The following ZMAT4 variants were observed in gnomAD, a reference collection of about 807,000 sequenced individuals.
ZMAT4 encodes zinc finger matrin-type 4.
In ZMAT4, 17 loss-of-function variants were observed where a neutral mutation model predicts 28.7. The observed-to-expected ratio is 0.59, with a 90% CI of 0.41 to 0.89. The LOEUF is 0.89. Ranked by LOEUF, ZMAT4 falls within the 40% of genes least tolerant of loss-of-function variation. ZMAT4 has a pLI of 0.00. For synonymous variants in ZMAT4, 117 were observed against 109.2 expected (o/e 1.07, Z -0.44); for missense variants, 240 against 283.8 (o/e 0.85, Z 1.11).
At chr8:40,642,310 A>G (rs1328982969) in intron 5 of ZMAT4, among the ~76,000 whole-genome samples, 1 of 152,198 alleles carries the variant, frequency 6.6e-6, no homozygotes, top group Non-Finnish European at 1.5e-5. Context: ...GTGAACATTC[A>G]ATAATATAGG....
intron 2 of ZMAT4, among the ~76,000 whole-genome samples, chr8:40,802,538 C>G (rs1475418084): frequency 6.6e-6 from 1 of 151,872 alleles, no homozygotes; most frequent in Non-Finnish European, 1.5e-5. Flanking sequence ...AAAAACTGTA[C>G]AATTTTGATG....
At chr8:40,773,239 C>G (rs1159049038) in intron 2 of ZMAT4, among the ~76,000 whole-genome samples, 1 of 152,172 alleles carries the variant, frequency 6.6e-6, no homozygotes, top group Non-Finnish European at 1.5e-5. Context: ...GAAGAGAAAG[C>G]TGGTCCCTAA....
intron 6 of ZMAT4, among the ~76,000 whole-genome samples, chr8:40,553,996 G>T (rs1347705565): frequency 6.6e-6 from 1 of 152,036 alleles, no homozygotes; most frequent in Admixed American, 6.6e-5. Flanking sequence ...GCATTTTCAT[G>T]GCCACTCATG....
chr8:40,660,850 C>A (rs913545290), intron 5 of ZMAT4, among the ~76,000 whole-genome samples: 1 of 152,176 alleles, frequency 6.6e-6, no homozygotes, highest in Non-Finnish European at 1.5e-5. Context: ...TATCTCTATG[C>A]TTTTATATAC....
At chr8:40,640,837 T>A (rs1333799870) in intron 5 of ZMAT4, among the ~76,000 whole-genome samples, 1 of 151,696 alleles carries the variant, frequency 6.6e-6, no homozygotes, top group Non-Finnish European at 1.5e-5. Flanking sequence ...TGCATTCCTG[T>A]AGTCCCAGCT....
At chr8:40,662,730 A>T (rs1808253658) in intron 5 of ZMAT4, among the ~76,000 whole-genome samples, 1 of 152,188 alleles carries the variant, frequency 6.6e-6, no homozygotes, top group Admixed American at 6.5e-5. Context: ...AATCTAAATT[A>T]TTACTCATGT....
At chr8:40,669,826 T>C (rs1307060509) in intron 5 of ZMAT4, among the ~76,000 whole-genome samples, 1 of 152,170 alleles carries the variant, frequency 6.6e-6, no homozygotes, top group Non-Finnish European at 1.5e-5. Context: ...AAGAGTCAAT[T>C]GTACTTGGCG....
At chr8:40,537,628 C>T (rs533756732) in intron 6 of ZMAT4, among the ~76,000 whole-genome samples, 41 of 152,290 alleles carry the variant, frequency 2.7e-4, no homozygotes, top group African/African-American at 8.2e-4. Flanking sequence ...ACAGTTTATT[C>T]CCTTAAGAAG....
At chr8:40,759,421 G>A (rs937718960) in intron 3 of ZMAT4, among the ~76,000 whole-genome samples, 15 of 152,176 alleles carry the variant, frequency 9.9e-5, no homozygotes, top group African/African-American at 3.6e-4. Context: ...ACTAGCTCAT[G>A]GGAGTGGAGC....
chr8:40,735,727 T>C (rs1811735288), intron 3 of ZMAT4, among the ~76,000 whole-genome samples: 1 of 152,192 alleles, frequency 6.6e-6, no homozygotes, highest in African/African-American at 2.4e-5. Flanking sequence ...ATAGTCTCTG[T>C]AAAGCAGTGA....
intron 1 of ZMAT4, among the ~76,000 whole-genome samples, chr8:40,856,072 G>T (rs539333890): frequency 6.6e-6 from 1 of 152,092 alleles, no homozygotes; most frequent in African/African-American, 2.4e-5. Flanking sequence ...TAGTACATGG[G>T]CCCCAGTAAA....
chr8:40,796,579 A>G (rs1045274202), intron 2 of ZMAT4, among the ~76,000 whole-genome samples: 1 of 152,142 alleles, frequency 6.6e-6, no homozygotes, highest in African/African-American at 2.4e-5. Flanking sequence ...AGAAAGAAAG[A>G]AAAACTTTCA....
At chr8:40,823,614 G>A (rs986550601) in intron 2 of ZMAT4, among the ~76,000 whole-genome samples, 6 of 152,040 alleles carry the variant, frequency 3.9e-5, no homozygotes, top group Non-Finnish European at 5.9e-5. Flanking sequence ...AGCTGAGATC[G>A]TGCCACCACA....
chr8:40,722,629 T>C (rs1263115308), intron 3 of ZMAT4, among the ~76,000 whole-genome samples: 1 of 152,190 alleles, frequency 6.6e-6, no homozygotes, highest in Non-Finnish European at 1.5e-5. Context: ...TGCTCTTTTT[T>C]CTTTGATGCA....
At chr8:40,821,047 G>A (rs990464336) in intron 2 of ZMAT4, among the ~76,000 whole-genome samples, 3 of 151,178 alleles carry the variant, frequency 2.0e-5, no homozygotes, top group African/African-American at 4.9e-5. Flanking sequence ...GTATGTGTGG[G>A]TGTGTGTGTG....
intron 5 of ZMAT4, among the ~76,000 whole-genome samples, chr8:40,626,322 CAAT>C (rs1173204339): frequency 6.6e-6 from 1 of 152,014 alleles, no homozygotes; most frequent in Non-Finnish European, 1.5e-5. Context: ...TCTCAGAAAC[CAAT>C]AGGAAATAAG....
intron 1 of ZMAT4, among the ~76,000 whole-genome samples, chr8:40,865,045 C>CA (rs964737775): frequency 6.6e-6 from 1 of 152,112 alleles, no homozygotes. Context: ...CAAGGTCAAG[C>CA]AAAAATGTGA....
At chr8:40,536,576 T>A (rs1484356539) in intron 6 of ZMAT4, among the ~76,000 whole-genome samples, 1 of 152,146 alleles carries the variant, frequency 6.6e-6, no homozygotes, top group Non-Finnish European at 1.5e-5. Flanking sequence ...GAAAATCAGG[T>A]GAGGCTCCTC....
chr8:40,751,206 AT>A (rs1028042433), intron 3 of ZMAT4, among the ~76,000 whole-genome samples: 2 of 152,174 alleles, frequency 1.3e-5, no homozygotes, highest in African/African-American at 4.8e-5. Context: ...CCACTCTTGC[AT>A]TGCTATAAAT....
Sources: gnomAD v4.1 joint callset for allele counts (sites outside exome capture counted in the v4.1 genomes callset) on GRCh38, gnomAD v4.1.1 for gene constraint, MANE v1.5 for transcripts, NCBI Gene and HGNC (gene_info 2026-07-23, HGNC 2026-07-21) for gene names.